Variants in TRPC7 observed in about 807,000 individuals in gnomAD.
The protein encoded by TRPC7 is short transient receptor potential channel 7.
In TRPC7, 42 loss-of-function variants were observed where a neutral mutation model predicts 90.1. The ratio of observed to expected loss-of-function variants is 0.47; its 90% CI spans 0.36 to 0.60. TRPC7 has a LOEUF of 0.60. Ranked by LOEUF, TRPC7 falls within the 20% of genes least tolerant of loss-of-function variation. The probability of loss-of-function intolerance (pLI) is 0.00; values close to 1 mark genes in which losing one functional copy is unlikely to be tolerated. For missense variants in TRPC7, 955 were observed against 1,112.3 expected (o/e 0.86, Z 2.01); for synonymous variants, 451 against 436.3 (o/e 1.03, Z -0.42).
intron 3 of TRPC7, among the ~76,000 whole-genome samples, chr5:136,293,241 G>A (rs1758026739): frequency 6.6e-6 from 1 of 152,312 alleles, no homozygotes; most frequent in Middle Eastern, 3.4e-3. Flanking sequence ...AGACAGGGAT[G>A]CCCTCTCTCA....
At chr5:136,219,150 ACAT>A (rs1011431685) in intron 10 of TRPC7, among the ~76,000 whole-genome samples, 1 of 152,170 alleles carries the variant, frequency 6.6e-6, no homozygotes, top group African/African-American at 2.4e-5. Context: ...AGGCTGGGTG[ACAT>A]CATACAATGG....
intron 2 of TRPC7, among the ~76,000 whole-genome samples, chr5:136,349,205 C>CT (rs1256850345): frequency 6.6e-6 from 1 of 152,194 alleles, no homozygotes; most frequent in Admixed American, 6.5e-5. Flanking sequence ...TAGCAGCACT[C>CT]TAAGCTTATT....
intron 3 of TRPC7, among the ~76,000 whole-genome samples, chr5:136,310,484 A>G (rs1278549357): frequency 6.6e-6 from 1 of 152,186 alleles, no homozygotes; most frequent in African/African-American, 2.4e-5. Flanking sequence ...TGAGCCAGGA[A>G]TAACCCAGGG....
At chr5:136,255,462 AAT>A (rs1463645169) in intron 5 of TRPC7, among the ~76,000 whole-genome samples, 16 of 152,220 alleles carry the variant, frequency 1.1e-4, no homozygotes, top group Non-Finnish European at 2.2e-4. Context: ...ATTTTCTAGC[AAT>A]AGAGTAATTT....
chr5:136,340,877 G>T (rs1429610354), intron 2 of TRPC7, among the ~76,000 whole-genome samples: 1 of 152,084 alleles, frequency 6.6e-6, no homozygotes, highest in Non-Finnish European at 1.5e-5. Context: ...AATAAGAGTT[G>T]TTTAGTCTTA....
intron 2 of TRPC7, among the ~76,000 whole-genome samples, chr5:136,350,702 C>A (rs1008698033): frequency 2.0e-5 from 3 of 152,164 alleles, no homozygotes; most frequent in Non-Finnish European, 4.4e-5. Context: ...GGTCCTGTGT[C>A]CAGACCCTAG....
At chr5:136,236,302 C>T (rs1755979047) in intron 7 of TRPC7, among the ~76,000 whole-genome samples, 2 of 152,208 alleles carry the variant, frequency 1.3e-5, no homozygotes. Context: ...CTCAGCCCCT[C>T]AGGTGCTTCT....
chr5:136,299,592 A>C (rs1296451546), intron 3 of TRPC7, among the ~76,000 whole-genome samples: 1 of 152,192 alleles, frequency 6.6e-6, no homozygotes, highest in African/African-American at 2.4e-5. Context: ...TTAATAAAAG[A>C]GTAATGCATG....
At position 136,266,419 on chromosome 5, in the gene TRPC7, C is replaced by T. The variant is rs1757034415; in HGVS notation, c.1146G>A (p.Arg382=). ...GAGCTACAAACTTCATGAAAGGGCT[C>T]CTCAGGGTTCGTCCTAGCTGGAAAG... ...APCSKLGRTL[R]SPFMKFVAHA... Residue 382 remains arginine, a synonymous_variant, in exon 5 of 12, where the codon AGG becomes AGA. Coordinates refer to ENST00000513104, the MANE Select transcript of TRPC7 (RefSeq NM_020389.3). 6.2e-7 allele frequency: 1 copy of T among 1,613,550 alleles called. No individual in the cohort carries two copies. Among genetic ancestry groups the T allele is most frequent in the Non-Finnish European group, 8.5e-7 (1 of 1,179,670 alleles).
intron 3 of TRPC7, among the ~76,000 whole-genome samples, chr5:136,302,343 G>A (rs1352720051): frequency 6.6e-6 from 1 of 152,106 alleles, no homozygotes; most frequent in Non-Finnish European, 1.5e-5. Context: ...CACCCTTAGG[G>A]GCAAGTCCCG....
At chr5:136,361,734 C>G (rs1448747894) in intron 1 of TRPC7, among the ~76,000 whole-genome samples, 1 of 152,156 alleles carries the variant, frequency 6.6e-6, no homozygotes, top group South Asian at 2.1e-4. Flanking sequence ...TAGAACCAAA[C>G]AGAATCTAGG....
Position 136,251,767 on chromosome 5 carries a change from T to G in TRPC7, c.1461A>C (p.Thr487=), listed in dbSNP as rs1378161065. 2.5e-6 allele frequency: 4 copies of G among 1,613,844 alleles called. No individual in the cohort carries two copies. Among genetic ancestry groups the G allele is most frequent in the African/African-American group, 2.7e-5 (2 of 74,922 alleles). ...GMLSIFVASF[T]ARFMAFLKAT... ...CCTTCAGGAAGGCCATGAAGCGTGCTGTGAAGGAGGCCACGAAGATGGACA... is the reference window on the plus strand; with the variant it reads ...CCTTCAGGAAGGCCATGAAGCGTGCGGTGAAGGAGGCCACGAAGATGGACA... The change falls in exon 6 of 12, where the codon ACA becomes ACC. Residue 487 remains threonine (T), a synonymous_variant. Coordinates refer to ENST00000513104, the MANE Select transcript of TRPC7 (RefSeq NM_020389.3).
chr5:136,231,187 TTGAC>T (rs1755802408), intron 8 of TRPC7, among the ~76,000 whole-genome samples, 163 bp downstream of exon 8: 1 of 152,234 alleles, frequency 6.6e-6, no homozygotes, highest in Non-Finnish European at 1.5e-5. Flanking sequence ...CAGACTGACT[TTGAC>T]TGCTTCTATT....
chr5:136,216,766 A>G (rs778396035), intron 10 of TRPC7, among the ~76,000 whole-genome samples: 15 of 152,208 alleles, frequency 9.9e-5, no homozygotes, highest in Non-Finnish European at 1.0e-4. Context: ...CGCTGGGTAC[A>G]GAAGTCAGGA....
chr5:136,317,516 G>A (rs1256197280), intron 2 of TRPC7, among the ~76,000 whole-genome samples: 1 of 152,180 alleles, frequency 6.6e-6, no homozygotes, highest in Admixed American at 6.5e-5. Flanking sequence ...CCAGAGGTAG[G>A]AGGCTCAAGG....
chr5:136,261,372 C>G (rs1025572964), intron 5 of TRPC7, among the ~76,000 whole-genome samples: 1 of 152,170 alleles, frequency 6.6e-6, no homozygotes, highest in African/African-American at 2.4e-5. Flanking sequence ...AAAATAACTT[C>G]TACATGTTCC....
chr5:136,262,949 C>T (rs1209257632), intron 5 of TRPC7, among the ~76,000 whole-genome samples: 1 of 152,078 alleles, frequency 6.6e-6, no homozygotes, highest in Non-Finnish European at 1.5e-5. Flanking sequence ...CAGCAGAGCT[C>T]CAGAGAGAAG....
chr5:136,355,954 G>C (rs1760357397), intron 2 of TRPC7, among the ~76,000 whole-genome samples: 1 of 152,200 alleles, frequency 6.6e-6, no homozygotes, highest in African/African-American at 2.4e-5. Context: ...CATCCTCTAG[G>C]CTGACCTGGC....
At chr5:136,340,597 G>C (rs1759815756) in intron 2 of TRPC7, among the ~76,000 whole-genome samples, 1 of 151,842 alleles carries the variant, frequency 6.6e-6, no homozygotes, top group African/African-American at 2.4e-5. Flanking sequence ...AATAATTGTG[G>C]AGTAGCCTTT....
Sources: gnomAD v4.1 joint callset for allele counts (sites outside exome capture counted in the v4.1 genomes callset) on GRCh38, gnomAD v4.1.1 for gene constraint, MANE v1.5 for transcripts, NCBI Gene and HGNC (gene_info 2026-07-23, HGNC 2026-07-21) for gene names.